Variants in ATXN10 observed in about 807,000 individuals in gnomAD.
ATXN10 encodes the protein ataxin-10.
In ATXN10, 28 loss-of-function variants were observed where a neutral mutation model predicts 52.9. The observed-to-expected ratio is 0.53, with a 90% CI of 0.39 to 0.73. The LOEUF (loss-of-function observed/expected upper bound fraction) is 0.73. Ranked by LOEUF, ATXN10 falls within the 30% of genes least tolerant of loss-of-function variation. ATXN10 has a pLI of 0.00. For synonymous variants in ATXN10, 226 were observed against 221.5 expected, an observed-to-expected ratio of 1.02 and a Z score of -0.18; for missense variants, 565 against 577.0, an observed-to-expected ratio of 0.98 and a Z score of 0.21.
At chr22:45,694,544 G>C (rs1316552772) in intron 3 of ATXN10, among the ~76,000 whole-genome samples, 1 of 152,076 alleles carries the variant, frequency 6.6e-6, no homozygotes, top group African/African-American at 2.4e-5. Flanking sequence ...CACTTTGGGA[G>C]GCTGAGGCGG....
At chr22:45,803,995 CCATCCTGGA>C (rs1281411426) in intron 9 of ATXN10, among the ~76,000 whole-genome samples, 1 of 152,130 alleles carries the variant, frequency 6.6e-6, no homozygotes, top group Admixed American at 6.5e-5. Flanking sequence ...TTCCCTCAAA[CCATCCTGGA>C]CCTACATTTG....
chr22:45,687,233 A>G (rs1923181388), intron 1 of ATXN10, among the ~76,000 whole-genome samples: 2 of 152,310 alleles, frequency 1.3e-5, no homozygotes, highest in South Asian at 4.1e-4. Flanking sequence ...TGAACTTAGT[A>G]TTTATTCTAT....
intron 6 of ATXN10, among the ~76,000 whole-genome samples, chr22:45,725,699 A>G (rs1924841310): frequency 6.6e-6 from 1 of 152,092 alleles, no homozygotes; most frequent in African/African-American, 2.4e-5. Flanking sequence ...TTCCAGTGTT[A>G]TACTGAATAG....
Position 45,766,847 on chromosome 22 carries a change from A to G in ATXN10, c.1173+26309A>G, listed in dbSNP as rs8136738. ...AACCAATAGCCCTACAGAAAAATGG[A>G]TAAAAGATATGAATAGACAGTTTAC... On this transcript the variant is annotated intron_variant, in intron 9 of 11. Transcript: ENST00000252934. The surrounding 1 kb of genome is among the most constrained non-coding windows in gnomAD (Gnocchi z 4.6). Among the ~76,000 whole-genome samples, 1,311 of 152,370 alleles carry G rather than the reference A, an allele frequency of 8.6e-3. 9 individuals carry two copies. The highest frequency in any genetic ancestry group is 0.013 in the Non-Finnish European group (902 of 68,034).
At chr22:45,771,395 A>T (rs1291212545) in intron 9 of ATXN10, among the ~76,000 whole-genome samples, 1 of 148,290 alleles carries the variant, frequency 6.7e-6, no homozygotes, top group African/African-American at 2.5e-5. Context: ...TCATATGTTT[A>T]ATTTGCCATG....
intron 6 of ATXN10, among the ~76,000 whole-genome samples, chr22:45,725,012 G>A (rs748406175): frequency 9.9e-5 from 15 of 152,008 alleles, no homozygotes; most frequent in Non-Finnish European, 2.1e-4. Context: ...GTATTGGTCT[G>A]TATATCTAGC....
chr22:45,717,185 C>T (rs2146772759), intron 5 of ATXN10, among the ~76,000 whole-genome samples: 1 of 152,174 alleles, frequency 6.6e-6, no homozygotes, highest in South Asian at 2.1e-4. Flanking sequence ...ACCCCTCTTG[C>T]CCCCAGCCTA....
intron 7 of ATXN10, 156 bp downstream of exon 7, chr22:45,729,746 G>A: frequency 1.2e-6 from 1 of 848,280 alleles, no homozygotes; most frequent in Non-Finnish European, 1.9e-6. Context: ...TTTAGATAAG[G>A]GAAAACAGTG....
At chr22:45,729,753 A>C in intron 7 of ATXN10, 163 bp downstream of exon 7, 1 of 820,314 alleles carries the variant, frequency 1.2e-6, no homozygotes, top group Middle Eastern at 2.9e-4. Flanking sequence ...AAGGGAAAAC[A>C]GTGTCCTTAT....
In ATXN10 at chr22:45,757,132, G is replaced by T. The variant is rs945027820; in HGVS notation, c.1173+16594G>T. 6.6e-6 allele frequency among the ~76,000 whole-genome samples: 1 copy of T among 152,194 alleles called. No homozygotes were observed. The highest frequency in any genetic ancestry group is 6.5e-5 in the Admixed American group (1 of 15,282). ...TCTGGACGGACTGCCTGGGGCTGGG[G>T]CTGTGGAGGCGGACGACTGGGGAGT... On this transcript the variant is annotated intron_variant, in intron 9 of 11. Coordinates refer to ENST00000252934, the MANE Select transcript of ATXN10 (RefSeq NM_013236.4). The surrounding 1 kb of genome is among the most constrained non-coding windows in gnomAD (Gnocchi z 4.6).
At position 45,784,786 on chromosome 22, in the gene ATXN10, T is replaced by G. The variant is rs1363115353; in HGVS notation, c.1174-22173T>G. Among the ~76,000 whole-genome samples the G allele has an allele frequency of 2.0e-5, 3 of 152,220 alleles. No homozygotes were observed. The highest frequency in any genetic ancestry group is 2.9e-5 in the Non-Finnish European group (2 of 68,036). Reference sequence around the variant, plus strand: ...GACACTTGAGCTCCCAGCAAGCCTTTATTTTTTTATTTTTTAAACACCGTG... The same window carrying G: ...GACACTTGAGCTCCCAGCAAGCCTTGATTTTTTTATTTTTTAAACACCGTG... On this transcript the variant is annotated intron_variant, in intron 9 of 11. Transcript: ENST00000252934. The surrounding 1 kb of genome is among the most constrained non-coding windows in gnomAD (Gnocchi z 4.2).
rs911639250 is a variant in ATXN10, at chr22:45,757,940, T to C, written c.1173+17402T>C. 6.6e-6 allele frequency among the ~76,000 whole-genome samples: 1 copy of C among 152,234 alleles called. No homozygotes were observed. Among genetic ancestry groups the C allele is most frequent in the African/African-American group, 2.4e-5 (1 of 41,468 alleles). On this transcript the variant is annotated intron_variant, in intron 9 of 11. Coordinates refer to ENST00000252934, the MANE Select transcript of ATXN10 (RefSeq NM_013236.4). The surrounding 1 kb of genome is among the most constrained non-coding windows in gnomAD (Gnocchi z 4.6). ...CTGCTGTGGATACTATTTACTTCTT[T>C]TGAAATTTGTAAAAGAAGAAAAAAA...
At chr22:45,679,649 C>T (rs904290606) in intron 1 of ATXN10, 1 of 152,182 alleles carries the variant, frequency 6.6e-6, no homozygotes, top group African/African-American at 2.4e-5. Context: ...TGGCTGAGGA[C>T]GCCATATGGC....
intron 2 of ATXN10, among the ~76,000 whole-genome samples, chr22:45,691,624 G>A (rs970712281): frequency 6.6e-6 from 1 of 152,204 alleles, no homozygotes; most frequent in African/African-American, 2.4e-5. Flanking sequence ...GGCCAGGCGC[G>A]GTGGCTCACG....
At chr22:45,807,747 C>T (rs952494601) in intron 10 of ATXN10, among the ~76,000 whole-genome samples, 3 of 152,158 alleles carry the variant, frequency 2.0e-5, no homozygotes, top group Non-Finnish European at 2.9e-5. Flanking sequence ...CACGAACTTC[C>T]CTGGTGAAAG....
At chr22:45,793,588 G>C in intron 9 of ATXN10, 1 of 1,313,836 alleles carries the variant, frequency 7.6e-7, no homozygotes, top group Non-Finnish European at 9.8e-7. Flanking sequence ...TCTGGAGCCT[G>C]CACCTTCATT....
chr22:45,677,955 G>A lies in ATXN10; in HGVS notation c.116+5776G>A, dbSNP rs1922768831. ...TATGACCAAGCAGTTTTACTCTTAG[G>A]TATGTGCCCGAAGAAAATGAAAAAG... On this transcript the variant is annotated intron_variant, in intron 1 of 11. Transcript: ENST00000252934. The surrounding 1 kb of genome is among the most constrained non-coding windows in gnomAD (Gnocchi z 4.1). 1 of 152,136 alleles carries A rather than the reference G, an allele frequency of 6.6e-6. No individual in the cohort carries two copies. Among genetic ancestry groups the A allele is most frequent in the Admixed American group, 6.6e-5 (1 of 15,262 alleles). The allele number at this position is 152,136 out of a possible 1,614,324, so 9.4% of individuals were successfully genotyped here.
At chr22:45,821,464 C>T (rs2146900482) in intron 10 of ATXN10, among the ~76,000 whole-genome samples, 1 of 152,102 alleles carries the variant, frequency 6.6e-6, no homozygotes, top group East Asian at 1.9e-4. Context: ...AGACCCCAAC[C>T]TCCTCTCCCT....
At position 45,825,188 on chromosome 22, in the gene ATXN10, T is replaced by A. The variant is rs1400593731; in HGVS notation, c.1238-17803T>A. On this transcript the variant is annotated intron_variant, in intron 10 of 11. Transcript: ENST00000252934. The surrounding 1 kb of genome is among the most constrained non-coding windows in gnomAD (Gnocchi z 4.5). ...GTGCTCTGATTACTGATTTCAGCTTTTGATCACAGAGGTACAGACAAAGGA... is the reference window on the plus strand; with the variant it reads ...GTGCTCTGATTACTGATTTCAGCTTATGATCACAGAGGTACAGACAAAGGA... 6.6e-6 allele frequency among the ~76,000 whole-genome samples: 1 copy of A among 152,182 alleles called. No homozygotes were observed. The highest frequency in any genetic ancestry group is 6.5e-5 in the Admixed American group (1 of 15,288).
Sources: gnomAD v4.1 joint callset for allele counts (sites outside exome capture counted in the v4.1 genomes callset) on GRCh38, gnomAD v4.1.1 for gene constraint, Gnocchi (gnomAD v3.1) non-coding constraint, MANE v1.5 for transcripts, NCBI Gene and HGNC (gene_info 2026-07-23, HGNC 2026-07-21) for gene names.